Variants in NOS3 observed in about 807,000 individuals in gnomAD.
NOS3 encodes nitric oxide synthase 3, also known as NOS type III.
Under a neutral mutation model 144.9 loss-of-function variants are expected in NOS3, and 98 were observed. That is an observed-to-expected ratio of 0.68 (90% CI 0.57 to 0.80). The LOEUF is 0.80. Ranked by LOEUF, NOS3 falls within the 30% of genes least tolerant of loss-of-function variation. The pLI is 0.00. For missense variants in NOS3, 1,465 were observed against 1,656.4 expected, an observed-to-expected ratio of 0.88 and a Z score of 2.01; for synonymous variants, 714 against 702.4, an observed-to-expected ratio of 1.02 and a Z score of -0.26.
At position 151,009,457 on chromosome 7, in the gene NOS3, C is replaced by CG; in HGVS notation, c.2389dup (p.Asp797GlyfsTer29). On this transcript the variant is annotated frameshift_variant, in exon 20 of 27. Transcript: ENST00000297494. LOFTEE classifies it high-confidence loss of function. ...GGCCAGGAGGGGCTGCAGTACCAGCCGGGGGACCACATAGGTGTCTGCCCG... is the reference window on the plus strand; with the variant it reads ...GGCCAGGAGGGGCTGCAGTACCAGCCGGGGGGACCACATAGGTGTCTGCCCG... 1 of 1,549,240 alleles carries CG rather than the reference C, an allele frequency of 6.5e-7. No homozygotes were observed. The highest frequency in any genetic ancestry group is 8.7e-7 in the Non-Finnish European group (1 of 1,146,802).
chr7:151,011,415 T>G (rs894633348), intron 23 of NOS3, among the ~76,000 whole-genome samples: 32 of 150,168 alleles, frequency 2.1e-4, no homozygotes, highest in Admixed American at 5.3e-4. Context: ...AAGGTTTTGG[T>G]TTTTTTTTCC....
chr7:151,002,801 C>T lies in NOS3; in HGVS notation c.1752+497C>T, dbSNP rs544819201. The T allele has an allele frequency of 1.5e-4, 23 of 158,020 alleles. No homozygotes were observed. In the South Asian group the frequency reaches 2.0e-3, roughly 13 times the overall value. The allele number at this position is 158,020 out of a possible 1,614,324, so 9.8% of individuals were successfully genotyped here. A position where few individuals can be genotyped will look rare whatever the true frequency, so the allele number is the denominator to read the frequency against. ...ATTTACAACATGTGCAACACTATTC[C>T]AGCATTTTATTTTATTTGTTTTATT... On this transcript the variant is annotated intron_variant, in intron 14 of 26. Coordinates refer to ENST00000297494, the MANE Select transcript of NOS3 (RefSeq NM_000603.5). The surrounding 1 kb of genome is among the most constrained non-coding windows in gnomAD (Gnocchi z 4.1).
chr7:150,997,441 C>T (rs1039040194), intron 5 of NOS3, among the ~76,000 whole-genome samples: 8 of 152,152 alleles, frequency 5.3e-5, no homozygotes, highest in Non-Finnish European at 7.4e-5. Flanking sequence ...CTCACCCACA[C>T]CCACTGCTAC....
intron 10 of NOS3, 120 bp from the exon 11 acceptor site, chr7:151,001,111 G>A (rs1053866854): frequency 3.2e-6 from 3 of 923,840 alleles, no homozygotes; most frequent in Non-Finnish European, 3.4e-6. Context: ...GGGACACAGG[G>A]TGTGTTAGAT....
rs1415079943 is a variant in NOS3 at position 151,003,223 on chromosome 7, T to G, written c.1752+919T>G. ...TCACTGCAGCCTCAACCTCCTAGAC[T>G]CAAGCAATCCTCCCACTTCAACCTC... On this transcript the variant is annotated intron_variant, in intron 14 of 26. Coordinates refer to ENST00000297494, the MANE Select transcript of NOS3 (RefSeq NM_000603.5). This position sits in a 1 kb window ranked among gnomAD's most constrained non-coding sequence, Gnocchi z 4.1. 1 of 452,666 alleles carries G rather than the reference T, an allele frequency of 2.2e-6. No individual in the cohort carries two copies. Among genetic ancestry groups the G allele is most frequent in the Admixed American group, 2.4e-5 (1 of 42,392 alleles). The allele number at this position is 452,666 out of a possible 1,614,324, so 28.0% of individuals were successfully genotyped here.
At position 151,002,981 on chromosome 7, in the gene NOS3, A is replaced by G. The variant is rs980327719; in HGVS notation, c.1752+677A>G. ...ACTTCACTTTTTAAAAAGAAACACA[A>G]AGCTAGAGTACCATCATTGAATTCC... On this transcript the variant is annotated intron_variant, in intron 14 of 26. Transcript: ENST00000297494. This position sits in a 1 kb window ranked among gnomAD's most constrained non-coding sequence, Gnocchi z 4.1. 13 of 253,306 alleles carry G rather than the reference A, an allele frequency of 5.1e-5. No homozygotes were observed. Among genetic ancestry groups the G allele is most frequent in the East Asian group, 4.2e-4 (3 of 7,162 alleles). 15.7% of individuals were successfully genotyped at this position (253,306 alleles called of 1,614,324 possible).
intron 20 of NOS3, 59 bp downstream of exon 20, chr7:151,009,644 G>C: frequency 1.4e-6 from 2 of 1,403,152 alleles, no homozygotes; most frequent in Non-Finnish European, 1.9e-6. Flanking sequence ...CCCCACCCCC[G>C]GCCCCAGGCC....
intron 12 of NOS3, 33 bp from the exon 13 acceptor site, chr7:151,001,788 C>G: frequency 1.2e-6 from 2 of 1,613,026 alleles, no homozygotes; most frequent in Non-Finnish European, 1.7e-6. Context: ...CCTCTGTGCA[C>G]CCAGGACACC....
rs139563673 is a variant in NOS3 at position 151,000,528 on chromosome 7, C to T, written c.1162C>T (p.Arg388Trp). 2.8e-4 allele frequency: 445 copies of T among 1,613,210 alleles called. No individual in the cohort carries two copies. Among genetic ancestry groups the T allele is most frequent in the Non-Finnish European group, 3.5e-4 (407 of 1,179,694 alleles). The change falls in exon 10 of 27, where the codon CGG (arginine) becomes TGG (tryptophan). Residue 388 changes from arginine (R) to tryptophan (W), a missense_variant. Physicochemically the swap from Arg to Trp is moderately radical, Grantham distance 101 (BLOSUM62 -3). Transcript: ENST00000297494. The stretch of plus-strand genomic sequence containing the variant: ...GGCTGTCTGCATGGACCTGGATACC[C>T]GGACCACCTCGTCCCTGTGGAAAGA... ...DVAVCMDLDT[R>W]TTSSLWKDKA...
rs763558265 is a variant in NOS3, at chr7:151,006,501, TG to T, written c.1820+10del. The stretch of plus-strand genomic sequence containing the variant: ...CTCGGCCGGAACAGCACAAGTGAGT[TG>T]GGTGAGAGTTTGGGGGAGCTGGGGG... On this transcript the variant is annotated splice_region_variant and intron_variant, in intron 15 of 26. Coordinates refer to ENST00000297494, the MANE Select transcript of NOS3 (RefSeq NM_000603.5). The T allele has an allele frequency of 3.6e-5, 58 of 1,610,916 alleles. No individual in the cohort carries two copies. The highest frequency in any genetic ancestry group is 4.8e-5 in the Non-Finnish European group (56 of 1,178,424).
At chr7:151,007,869 C>T (rs1795230413) in intron 17 of NOS3, among the ~76,000 whole-genome samples, 1 of 152,014 alleles carries the variant, frequency 6.6e-6, no homozygotes, top group African/African-American at 2.4e-5. Context: ...GACAAGGGCT[C>T]GGTCTCCCCA....
At chr7:151,006,788 C>A in intron 15 of NOS3, 101 bp from the exon 16 acceptor site, 1 of 967,126 alleles carries the variant, frequency 1.0e-6, no homozygotes, top group South Asian at 1.4e-5. Context: ...CCTTTCCTGT[C>A]CCAGAGGCAG....
intron 4 of NOS3, 80 bp from the exon 5 acceptor site, chr7:150,996,683 A>G (rs2117105064): frequency 5.3e-6 from 8 of 1,503,008 alleles, no homozygotes; most frequent in Non-Finnish European, 6.3e-6. Context: ...CTCCCCCAGC[A>G]CTTGCACAAA....
chr7:151,008,792 G>T (rs933598953), intron 17 of NOS3, 138 bp from the exon 18 acceptor site: 20 of 984,860 alleles, frequency 2.0e-5, no homozygotes, highest in Non-Finnish European at 2.7e-5. Flanking sequence ...GGCGGAAAAG[G>T]TGCTGTCCTT....
At chr7:150,996,596 G>C (rs770859485) in intron 4 of NOS3, 44 bp downstream of exon 4, 1 of 1,561,004 alleles carries the variant, frequency 6.4e-7, no homozygotes, top group South Asian at 1.2e-5. Context: ...TCCCACTGAG[G>C]CCCCAGAAAC....
At chr7:151,009,107 C>T in intron 18 of NOS3, 45 bp downstream of exon 18, 1 of 1,613,104 alleles carries the variant, frequency 6.2e-7, no homozygotes, top group Non-Finnish European at 8.5e-7. Flanking sequence ...TCTGAGGCCC[C>T]CACACCCCGG....
At chr7:151,000,779 T>C (rs556054837) in intron 10 of NOS3, among the ~76,000 whole-genome samples, 180 bp downstream of exon 10, 1 of 152,316 alleles carries the variant, frequency 6.6e-6, no homozygotes, top group South Asian at 2.1e-4. Context: ...GGGCAGGTAC[T>C]ATTCCAGGCG....
At position 151,001,212 on chromosome 7, in the gene NOS3, C is replaced by A. The variant is rs756291799; in HGVS notation, c.1234-19C>A. 1 of 1,610,798 alleles carries A rather than the reference C, an allele frequency of 6.2e-7. No homozygotes were observed. The highest frequency in any genetic ancestry group is 2.2e-5 in the East Asian group (1 of 44,868). ...CTGTGGGTCTGGTTTGAGCCTCTCC[C>A]CCTCTCTCTCCCTTCCAGCTAGCCA... On this transcript the variant is annotated intron_variant, in intron 10 of 26. Coordinates refer to ENST00000297494, the MANE Select transcript of NOS3 (RefSeq NM_000603.5).
rs1489815939 is a variant in NOS3 at position 150,996,390 on chromosome 7, C to T, written c.271-14C>T. 7.2e-7 allele frequency: 1 copy of T among 1,392,162 alleles called. No homozygotes were observed. Among genetic ancestry groups the T allele is most frequent in the Non-Finnish European group, 9.4e-7 (1 of 1,058,578 alleles). 86.2% of individuals were successfully genotyped at this position (1,392,162 alleles called of 1,614,324 possible). On this transcript the variant is annotated splice_polypyrimidine_tract_variant and intron_variant, in intron 3 of 26. Transcript: ENST00000297494. ...ACCCTGGCCTGTCCTGACCTTTGCA[C>T]TCCCTCGACCCAGGATGGGCCCTGC...
Sources: gnomAD v4.1 joint callset for allele counts (sites outside exome capture counted in the v4.1 genomes callset) on GRCh38, gnomAD v4.1.1 for gene constraint, Gnocchi (gnomAD v3.1) non-coding constraint, MANE v1.5 for transcripts, NCBI Gene and HGNC (gene_info 2026-07-23, HGNC 2026-07-21) for gene names.